The following CELSR2 variants were observed in gnomAD, a reference collection of about 807,000 sequenced individuals.
CELSR2 encodes EGF-like protein 2.
Under a neutral mutation model 251.6 loss-of-function variants are expected in CELSR2, and 81 were observed. The ratio of observed to expected loss-of-function variants is 0.32; its 90% CI spans 0.27 to 0.39. The LOEUF (loss-of-function observed/expected upper bound fraction) is 0.39. CELSR2 is among the 10% of genes least tolerant of loss of function. CELSR2 has a pLI of 1.00. For missense variants in CELSR2, 3,365 were observed against 3,947.7 expected (o/e 0.85, Z 3.96); for synonymous variants, 1,721 against 1,670.5 (o/e 1.03, Z -0.74).
At position 109,264,722 on chromosome 1, in the gene CELSR2, C is replaced by T. The variant is rs542564976; in HGVS notation, c.5464+94C>T. 4.4e-6 allele frequency: 7 copies of T among 1,573,310 alleles called. No homozygotes were observed. The South Asian group carries it at 8.1e-5, about 18-fold the overall frequency. ...TGACCTGGGGCATGGGGCATCACACCACCTCTCTGAGTCTTAGTTGCCTAC... is the reference window on the plus strand; with the variant it reads ...TGACCTGGGGCATGGGGCATCACACTACCTCTCTGAGTCTTAGTTGCCTAC... On this transcript the variant is annotated intron_variant, in intron 11 of 33. Transcript: ENST00000271332.
Position 109,273,148 on chromosome 1 carries a change from A to T in CELSR2, c.8339-18A>T. 6.2e-7 allele frequency: 1 copy of T among 1,609,184 alleles called. No individual in the cohort carries two copies. The highest frequency in any genetic ancestry group is 1.3e-5 in the African/African-American group (1 of 74,626). Reference sequence around the variant, plus strand: ...TATCTGCCCTCTGTGGGCCTCATCTACTTCCTTTCCCCACCAGATGGGGGC... The same window carrying T: ...TATCTGCCCTCTGTGGGCCTCATCTTCTTCCTTTCCCCACCAGATGGGGGC... On this transcript the variant is annotated intron_variant, in intron 31 of 33. Coordinates refer to ENST00000271332, the MANE Select transcript of CELSR2 (RefSeq NM_001408.3).
chr1:109,273,774 G>C, intron 33 of CELSR2, 104 bp downstream of exon 33: 1 of 1,045,706 alleles, frequency 9.6e-7, no homozygotes, highest in Non-Finnish European at 1.4e-6. Flanking sequence ...ATGGCATTTG[G>C]AGGACAAATG....
chr1:109,266,949 T>C (rs1279989103), intron 15 of CELSR2, among the ~76,000 whole-genome samples: 3 of 144,270 alleles, frequency 2.1e-5, no homozygotes, highest in East Asian at 2.1e-4. Context: ...TCTCGATCTC[T>C]TGACCTTGTG....
Position 109,261,658 on chromosome 1 carries a change from A to G in CELSR2, c.4297+30A>G, listed in dbSNP as rs1288810590. On this transcript the variant is annotated intron_variant, in intron 4 of 33. Transcript: ENST00000271332. The surrounding 1 kb of genome is among the most constrained non-coding windows in gnomAD (Gnocchi z 4.8). ...TCACAGTTGCCCCCCATCCTTGCCC[A>G]TCTTCCAAAGGCCCCAAGTCTTCCA... The G allele has an allele frequency of 5.0e-6, 8 of 1,597,376 alleles. No homozygotes were observed. The African/African-American group carries it at 1.1e-4, about 21-fold the overall frequency.
Position 109,272,564 on chromosome 1 carries a change from T to A in CELSR2, c.8055-76T>A. The A allele has an allele frequency of 2.6e-6, 4 of 1,512,556 alleles. No individual in the cohort carries two copies. The South Asian group carries it at 4.6e-5, about 17-fold the overall frequency. 93.7% of individuals were successfully genotyped at this position (1,512,556 alleles called of 1,614,324 possible). On this transcript the variant is annotated intron_variant, in intron 29 of 33. Transcript: ENST00000271332. ...AAGGGACCCACAGCAGGAACCAGGA[T>A]CCCAGGGGAGAGGAGAGACTGGGAC... is the stretch of plus-strand genomic sequence containing the variant.
At position 109,250,835 on chromosome 1, in the gene CELSR2, G is replaced by A. The variant is rs937848821; in HGVS notation, c.756G>A (p.Lys252=). ...TTAEELDRET[K]STHVFRVTAQ... ...CCGAGGAGCTGGATCGTGAGACCAAGAGCACCCACGTCTTCAGGGTCACGG... is the reference window on the plus strand; with the variant it reads ...CCGAGGAGCTGGATCGTGAGACCAAAAGCACCCACGTCTTCAGGGTCACGG... Residue 252 remains lysine (K), a synonymous_variant, in exon 1 of 34, where the codon AAG becomes AAA. Transcript: ENST00000271332. This position sits in a 1 kb window ranked among gnomAD's most constrained non-coding sequence, Gnocchi z 4.4. The A allele has an allele frequency of 6.2e-7, 1 of 1,614,048 alleles. No homozygotes were observed. Among genetic ancestry groups the A allele is most frequent in the Non-Finnish European group, 8.5e-7 (1 of 1,180,034 alleles).
In CELSR2 at chr1:109,275,580, C is replaced by G. The variant is rs2101291159; in HGVS notation, c.*1531C>G. ...TTCCTGCAAAGGGTTAAAAATTTAACTGGTTTTTACTACTGATGACTTGAT... is the reference window on the plus strand; with the variant it reads ...TTCCTGCAAAGGGTTAAAAATTTAAGTGGTTTTTACTACTGATGACTTGAT... On this transcript the variant is annotated 3_prime_UTR_variant, in exon 34 of 34. Coordinates refer to ENST00000271332, the MANE Select transcript of CELSR2 (RefSeq NM_001408.3). 1 of 152,196 alleles carries G rather than the reference C, an allele frequency of 6.6e-6. No homozygotes were observed. The highest frequency in any genetic ancestry group is 6.5e-5 in the Admixed American group (1 of 15,272). The allele number at this position is 152,196 out of a possible 1,614,324, so 9.4% of individuals were successfully genotyped here. A position where few individuals can be genotyped will look rare whatever the true frequency, so the allele number is the denominator to read the frequency against.
rs1293751978 is a variant in CELSR2 at position 109,251,617 on chromosome 1, C to T, written c.1538C>T (p.Thr513Ile). 6.2e-7 allele frequency: 1 copy of T among 1,613,862 alleles called. No individual in the cohort carries two copies. Residue 513 changes from threonine to isoleucine, a missense_variant, in exon 1 of 34, where the codon ACT becomes ATT. Thr to Ile is a moderately conservative substitution (Grantham distance 89). This residue lies in a region of CELSR2 where 704 missense variants were observed against 784.1 expected (regional missense o/e 0.90). Coordinates refer to ENST00000271332, the MANE Select transcript of CELSR2 (RefSeq NM_001408.3). The surrounding 1 kb of genome is among the most constrained non-coding windows in gnomAD (Gnocchi z 4.9). ...TTCGTCAGCACCCCTTTCCAGGCTA[C>T]TGTCCTGGAGAGTGTCCCCTTAGGC... Reference protein sequence around the residue: ...PIFVSTPFQATVLESVPLGYL... With the variant: ...PIFVSTPFQAIVLESVPLGYL...
At chr1:109,270,185 C>T (rs1338808873) in intron 23 of CELSR2, 52 bp downstream of exon 23, 1 of 1,581,076 alleles carries the variant, frequency 6.3e-7, no homozygotes, top group African/African-American at 1.3e-5. Flanking sequence ...AGGCCGCCTC[C>T]CCAGCCCCCA....
intron 11 of CELSR2, 41 bp downstream of exon 11, chr1:109,264,669 C>T: frequency 6.3e-7 from 1 of 1,596,992 alleles, no homozygotes; most frequent in Non-Finnish European, 8.6e-7. Context: ...TTATCAGGTG[C>T]CTGGGGCCAC....
chr1:109,255,027 C>G (rs907535717), intron 1 of CELSR2, among the ~76,000 whole-genome samples: 1 of 152,212 alleles, frequency 6.6e-6, no homozygotes, highest in African/African-American at 2.4e-5. Context: ...CTTCGGTCTC[C>G]CACCAGGGCA....
At position 109,266,133 on chromosome 1, in the gene CELSR2, T is replaced by C. The variant is rs1297861355; in HGVS notation, c.5940T>C (p.Ile1980=). The change falls in exon 15 of 34, where the codon ATT becomes ATC. Residue 1980 remains isoleucine (I), a synonymous_variant. Coordinates refer to ENST00000271332, the MANE Select transcript of CELSR2 (RefSeq NM_001408.3). ...ATTATGACAGCTGCCCACGAGCGATTGAGGCTGGGATCTGGTGGCCCCGTA... is the reference window on the plus strand; with the variant it reads ...ATTATGACAGCTGCCCACGAGCGATCGAGGCTGGGATCTGGTGGCCCCGTA... ...EVNYDSCPRA[I]EAGIWWPRTR... is the part of the protein sequence containing the mutation. 9 of 1,614,128 alleles carry C rather than the reference T, an allele frequency of 5.6e-6. No homozygotes were observed. The highest frequency in any genetic ancestry group is 7.6e-6 in the Non-Finnish European group (9 of 1,180,022).
chr1:109,256,334 A>G (rs904222379), intron 1 of CELSR2, among the ~76,000 whole-genome samples: 7 of 152,186 alleles, frequency 4.6e-5, no homozygotes, highest in African/African-American at 1.7e-4. Flanking sequence ...CAGGAGGAAC[A>G]GAAGTGGGTG....
rs1260801966 is a variant in CELSR2, at chr1:109,251,765, C to T, written c.1686C>T (p.Ile562=). ...CCATCAACAATGGCACAGGCTGGATCTCTGTGGCTGCTGAACTGGACCGGG... is the reference window on the plus strand; with the variant it reads ...CCATCAACAATGGCACAGGCTGGATTTCTGTGGCTGCTGAACTGGACCGGG... The part of the protein sequence containing the change: ...PFTINNGTGW[I]SVAAELDREE... The change falls in exon 1 of 34, where the codon ATC becomes ATT. Residue 562 remains isoleucine, a synonymous_variant. Transcript: ENST00000271332. The surrounding 1 kb of genome is among the most constrained non-coding windows in gnomAD (Gnocchi z 4.9). 2 of 1,614,020 alleles carry T rather than the reference C, an allele frequency of 1.2e-6. No individual in the cohort carries two copies. The highest frequency in any genetic ancestry group is 2.7e-5 in the African/African-American group (2 of 74,918).
chr1:109,270,223 A>G (rs1570792908), intron 23 of CELSR2, 90 bp downstream of exon 23: 4 of 1,425,452 alleles, frequency 2.8e-6, no homozygotes, highest in African/African-American at 2.8e-5. Flanking sequence ...TGCACCATGA[A>G]CTCTAATAAG....
rs752461752 is a variant in CELSR2 at position 109,259,063 on chromosome 1, T to C, written c.3942T>C (p.Cys1314=). The C allele has an allele frequency of 1.3e-6, 2 of 1,589,808 alleles. No individual in the cohort carries two copies. Among genetic ancestry groups the C allele is most frequent in the East Asian group, 2.2e-5 (1 of 44,522 alleles). Residue 1314 remains cysteine, a synonymous_variant, in exon 2 of 34, where the codon TGT becomes TGC. Transcript: ENST00000271332. ...GCGAGGGCGGCTACACCTGCCTCTG[T>C]CGTGATGGCTACACGGGTGAGCCAA... ...RSREGGYTCL[C]RDGYTGEHCE...
In CELSR2 at chr1:109,251,589, A is replaced by G. The variant is rs914965252; in HGVS notation, c.1510A>G (p.Ile504Val). 5 of 1,613,718 alleles carry G rather than the reference A, an allele frequency of 3.1e-6. No homozygotes were observed. In the African/African-American group the frequency reaches 4.0e-5, roughly 13 times the overall value. Residue 504 changes from isoleucine to valine, a missense_variant, in exon 1 of 34, where the codon ATC (isoleucine) becomes GTC (valine). Around this residue, in one of 5 missense-constraint regions of CELSR2, gnomAD observed 704 missense variants for 784.1 expected, o/e 0.90. Transcript: ENST00000271332. The surrounding 1 kb of genome is among the most constrained non-coding windows in gnomAD (Gnocchi z 4.9). ...QVLDINDNAP[I>V]FVSTPFQATV... is the part of the protein sequence containing the mutation. Reference sequence around the variant, plus strand: ...CCTGGATATCAACGACAATGCCCCCATCTTCGTCAGCACCCCTTTCCAGGC... The same window carrying G: ...CCTGGATATCAACGACAATGCCCCCGTCTTCGTCAGCACCCCTTTCCAGGC...
chr1:109,268,667 C>T lies in CELSR2; in HGVS notation c.6405C>T (p.Ala2135=), dbSNP rs1243349762. 5 of 1,614,106 alleles carry T rather than the reference C, an allele frequency of 3.1e-6. No homozygotes were observed. The highest frequency in any genetic ancestry group is 4.2e-6 in the Non-Finnish European group (5 of 1,180,002). The change falls in exon 18 of 34, where the codon GCC becomes GCT. Residue 2135 remains alanine (A), a synonymous_variant. Coordinates refer to ENST00000271332, the MANE Select transcript of CELSR2 (RefSeq NM_001408.3). ...TCCAGCAGACAGAGGGTGGCACCGC[C>T]TGGCTGCTCCAGCACTATGAGGCCT... is the stretch of plus-strand genomic sequence containing the variant. ...ELIQQTEGGT[A]WLLQHYEAYA... is the part of the protein sequence containing the mutation.
Position 109,251,633 on chromosome 1 carries a change from C to T in CELSR2, c.1554C>T (p.Val518=), listed in dbSNP as rs746503380. The T allele has an allele frequency of 2.5e-6, 4 of 1,613,740 alleles. No individual in the cohort carries two copies. Among genetic ancestry groups the T allele is most frequent in the African/African-American group, 1.3e-5 (1 of 74,880 alleles). Residue 518 remains valine (V), a synonymous_variant, in exon 1 of 34, where the codon GTC becomes GTT. Transcript: ENST00000271332. The surrounding 1 kb of genome is among the most constrained non-coding windows in gnomAD (Gnocchi z 4.9). ...TPFQATVLES[V]PLGYLVLHVQ... ...TCCAGGCTACTGTCCTGGAGAGTGT[C>T]CCCTTAGGCTACCTGGTTCTCCATG...
Sources: allele counts gnomAD v4.1 joint callset (sites outside exome capture counted in the v4.1 genomes callset), GRCh38; gene constraint gnomAD v4.1.1; regional missense constraint gnomAD v4.1.1; non-coding constraint Gnocchi (gnomAD v3.1); transcripts MANE v1.5; gene names NCBI Gene and HGNC (gene_info 2026-07-23, HGNC 2026-07-21).